NRP2: variants seen among roughly 807,000 people sequenced by gnomAD.
The protein encoded by NRP2 is neuropilin-2.
Under a neutral mutation model 110.4 loss-of-function variants are expected in NRP2, and 52 were observed. That is an observed-to-expected ratio of 0.47 (90% CI 0.38 to 0.59). NRP2 has a LOEUF of 0.59. NRP2 is among the 20% of genes least tolerant of loss of function. The probability of loss-of-function intolerance (pLI) is 0.00; values close to 1 mark genes in which losing one functional copy is unlikely to be tolerated. For missense variants in NRP2, 1,049 were observed against 1,203.0 expected (o/e 0.87, Z 1.89); for synonymous variants, 508 against 468.9 (o/e 1.08, Z -1.08).
At chr2:205,776,156 A>G (rs747821730) in intron 15 of NRP2, 21 of 1,271,026 alleles carry the variant, frequency 1.7e-5, no homozygotes, top group Non-Finnish European at 2.2e-5. Flanking sequence ...GTCCCAAAGC[A>G]TGTGTGTGTT....
chr2:205,712,799 C>T (rs2056823463), intron 2 of NRP2, among the ~76,000 whole-genome samples: 1 of 152,170 alleles, frequency 6.6e-6, no homozygotes, highest in African/African-American at 2.4e-5. Context: ...GGGATTTCAG[C>T]TGCCGAACTG....
intron 15 of NRP2, chr2:205,776,365 G>C: frequency 6.2e-7 from 1 of 1,613,130 alleles, no homozygotes; most frequent in South Asian, 1.1e-5. Context: ...GGTCTCCGTC[G>C]CGCTGGCCCT....
At chr2:205,779,918 T>C (rs928066466) in intron 15 of NRP2, among the ~76,000 whole-genome samples, 4 of 152,220 alleles carry the variant, frequency 2.6e-5, no homozygotes, top group Admixed American at 1.3e-4. Flanking sequence ...TTTATCCAAT[T>C]TGTGCAGCTG....
rs533721231 is a variant in NRP2, at chr2:205,704,617, A to G, written c.251+6896A>G. ...CCACCTCACCCATGGATCAGGGGGA[A>G]AAACAACTCACAGACTGTTCTCCTC... On this transcript the variant is annotated intron_variant, in intron 2 of 16. Transcript: ENST00000357785. Among the ~76,000 whole-genome samples the G allele has an allele frequency of 2.0e-5, 3 of 152,336 alleles. No individual in the cohort carries two copies. The South Asian group carries it at 6.2e-4, about 32-fold the overall frequency.
chr2:205,790,967 G>T lies in NRP2; in HGVS notation c.2426-1268G>T, dbSNP rs3770992. On this transcript the variant is annotated intron_variant, in intron 15 of 16. Coordinates refer to ENST00000357785, the MANE Select transcript of NRP2 (RefSeq NM_003872.3). ...AGTTGTTTTGTGCATCCCTTACTAG[G>T]GACCGAGGGGGATGAGAATGTGCTT... Among the ~76,000 whole-genome samples, 422 of 152,250 alleles carry T rather than the reference G, an allele frequency of 2.8e-3. 4 individuals carry two copies. The highest frequency in any genetic ancestry group is 5.0e-4 in the Non-Finnish European group (34 of 68,032).
chr2:205,743,323 G>A lies in NRP2; in HGVS notation c.1412G>A (p.Arg471His), dbSNP rs149849497. Residue 471 changes from arginine to histidine, a missense_variant, in exon 9 of 17, where the codon CGC becomes CAC. Transcript: ENST00000357785. ...AGTGCAGCCCGCCTGGTTAGCAGCCGCTCGGGCTGGTTCCCTCGAATCCCT... is the reference window on the plus strand; with the variant it reads ...AGTGCAGCCCGCCTGGTTAGCAGCCACTCGGGCTGGTTCCCTCGAATCCCT... ...SPSAARLVSS[R>H]SGWFPRIPQA... The A allele has an allele frequency of 1.7e-4, 276 of 1,614,018 alleles. 1 individual carries two copies. The highest frequency in any genetic ancestry group is 2.2e-4 in the East Asian group (10 of 44,888).
chr2:205,743,378 G>A lies in NRP2; in HGVS notation c.1467G>A (p.Gln489=), dbSNP rs2057478636. 1.7e-5 allele frequency: 27 copies of A among 1,614,126 alleles called. No homozygotes were observed. Among genetic ancestry groups the A allele is most frequent in the Non-Finnish European group, 2.3e-5 (27 of 1,180,062 alleles). Residue 489 remains glutamine, a synonymous_variant, in exon 9 of 17, where the codon CAG becomes CAA. Coordinates refer to ENST00000357785, the MANE Select transcript of NRP2 (RefSeq NM_003872.3). ...PQAQPGEEWL[Q]VDLGTPKTVK... ...CCCAGCCCGGTGAGGAGTGGCTTCA[G>A]GTAGATCTGGGAACACCCAAGACAG...
At chr2:205,765,662 A>G in intron 14 of NRP2, 92 bp downstream of exon 14, 1 of 1,098,014 alleles carries the variant, frequency 9.1e-7, no homozygotes, top group Non-Finnish European at 1.4e-6. Flanking sequence ...TTTCCAATGC[A>G]GTCGTTACCC....
At chr2:205,705,565 G>T (rs2056657136) in intron 2 of NRP2, among the ~76,000 whole-genome samples, 1 of 152,138 alleles carries the variant, frequency 6.6e-6, no homozygotes, top group Non-Finnish European at 1.5e-5. Context: ...GTATGTTTGT[G>T]GGTCACGTGG....
chr2:205,737,186 G>A (rs2057359686), intron 7 of NRP2, among the ~76,000 whole-genome samples: 1 of 152,140 alleles, frequency 6.6e-6, no homozygotes, highest in Admixed American at 6.5e-5. Context: ...CTGTGAATGG[G>A]GCACTCCCCA....
At chr2:205,728,610 T>A (rs779827572) in intron 7 of NRP2, among the ~76,000 whole-genome samples, 8 of 152,250 alleles carry the variant, frequency 5.3e-5, no homozygotes, top group Non-Finnish European at 1.2e-4. Context: ...GCCTCCCGCA[T>A]CTGCGGCTCC....
At chr2:205,741,278 G>A (rs989419273) in intron 8 of NRP2, among the ~76,000 whole-genome samples, 1 of 152,212 alleles carries the variant, frequency 6.6e-6, no homozygotes, top group African/African-American at 2.4e-5. Context: ...ACATCGTAGG[G>A]GATTTGACCC....
At chr2:205,728,117 G>A in intron 7 of NRP2, 71 bp downstream of exon 7, 3 of 1,570,700 alleles carry the variant, frequency 1.9e-6, no homozygotes, top group Non-Finnish European at 2.6e-6. Flanking sequence ...GGAGCTTTAA[G>A]CCGACCTCCT....
chr2:205,707,422 A>C (rs2056702411), intron 2 of NRP2, among the ~76,000 whole-genome samples: 1 of 152,114 alleles, frequency 6.6e-6, no homozygotes, highest in Non-Finnish European at 1.5e-5. Flanking sequence ...AGTAGTGACA[A>C]GTTTGCCCCT....
At chr2:205,719,356 G>A (rs2056966089) in intron 3 of NRP2, among the ~76,000 whole-genome samples, 1 of 151,930 alleles carries the variant, frequency 6.6e-6, no homozygotes. Flanking sequence ...TGCCCTAAGT[G>A]AAGTGGTGTA....
intron 8 of NRP2, among the ~76,000 whole-genome samples, chr2:205,742,461 C>A (rs955148423): frequency 6.6e-6 from 1 of 152,126 alleles, no homozygotes; most frequent in African/African-American, 2.4e-5. Context: ...TGAGGGAAAC[C>A]AATTTAGTGA....
intron 2 of NRP2, among the ~76,000 whole-genome samples, chr2:205,707,272 A>G (rs1053486765): frequency 2.0e-5 from 3 of 152,276 alleles, no homozygotes; most frequent in Non-Finnish European, 4.4e-5. Context: ...TGTCGAAAGC[A>G]TAGTCACAAA....
intron 14 of NRP2, 78 bp downstream of exon 14, chr2:205,765,648 C>G (rs1180606916): frequency 8.0e-7 from 1 of 1,254,296 alleles, no homozygotes; most frequent in Non-Finnish European, 1.2e-6. Flanking sequence ...AGGCAGGACA[C>G]CATTTTCCAA....
intron 2 of NRP2, among the ~76,000 whole-genome samples, chr2:205,710,076 A>G (rs536108027): frequency 3.2e-4 from 49 of 152,196 alleles, no homozygotes; most frequent in Non-Finnish European, 6.5e-4. Context: ...CAAAAGAGCA[A>G]GATTCTGTTA....
Sources: gnomAD v4.1 joint callset for allele counts (sites outside exome capture counted in the v4.1 genomes callset) on GRCh38, gnomAD v4.1.1 for gene constraint, MANE v1.5 for transcripts, NCBI Gene and HGNC (gene_info 2026-07-23, HGNC 2026-07-21) for gene names.